The following JAKMIP2 variants were observed in gnomAD, a reference collection of about 807,000 sequenced individuals.
JAKMIP2 encodes janus kinase and microtubule-interacting protein 2.
Under a neutral mutation model 115.0 loss-of-function variants are expected in JAKMIP2, and 25 were observed. That is an observed-to-expected ratio of 0.22 (90% CI 0.16 to 0.30). JAKMIP2 has a LOEUF of 0.30. Among genes scored for constraint, JAKMIP2 ranks in the 10% least tolerant of loss-of-function variants. The pLI, the probability that JAKMIP2 is intolerant of heterozygous loss-of-function variation, is 1.00. For missense variants in JAKMIP2, 642 were observed against 957.6 expected, an observed-to-expected ratio of 0.67 and a Z score of 4.35; for synonymous variants, 334 against 343.6, an observed-to-expected ratio of 0.97 and a Z score of 0.31.
chr5:147,761,445 T>C (rs559692948), intron 1 of JAKMIP2, among the ~76,000 whole-genome samples: 2 of 152,114 alleles, frequency 1.3e-5, no homozygotes, highest in Non-Finnish European at 2.9e-5. Flanking sequence ...TCCACAGCCA[T>C]ACAGCAAGTC....
intron 10 of JAKMIP2, 129 bp downstream of exon 10, chr5:147,639,503 C>T: frequency 1.9e-6 from 2 of 1,066,010 alleles, no homozygotes; most frequent in Non-Finnish European, 2.6e-6. Context: ...AAAGCTATAA[C>T]AATTCAAAAG....
At chr5:147,707,625 A>C (rs879693962) in intron 1 of JAKMIP2, among the ~76,000 whole-genome samples, 9 of 152,018 alleles carry the variant, frequency 5.9e-5, no homozygotes, top group African/African-American at 2.2e-4. Flanking sequence ...GCATTGGTAC[A>C]CTCTCCCTGG....
intron 21 of JAKMIP2, among the ~76,000 whole-genome samples, chr5:147,600,841 T>C (rs1158040746): frequency 6.8e-6 from 1 of 148,026 alleles, no homozygotes; most frequent in Non-Finnish European, 1.5e-5. Flanking sequence ...ATGGACTTAA[T>C]AATAGTAATT....
At chr5:147,659,131 A>G (rs2058410424) in intron 3 of JAKMIP2, among the ~76,000 whole-genome samples, 1 of 151,868 alleles carries the variant, frequency 6.6e-6, no homozygotes, top group South Asian at 2.1e-4. Flanking sequence ...TGCCTGCTCA[A>G]ACAGCTGCCC....
intron 1 of JAKMIP2, among the ~76,000 whole-genome samples, chr5:147,729,117 A>G (rs1753626125): frequency 6.6e-6 from 1 of 152,190 alleles, no homozygotes; most frequent in Non-Finnish European, 1.5e-5. Flanking sequence ...AGAAGGCAGG[A>G]AAGAGGGAAG....
intron 1 of JAKMIP2, among the ~76,000 whole-genome samples, chr5:147,726,703 T>C (rs1225063986): frequency 6.6e-6 from 1 of 152,214 alleles, no homozygotes; most frequent in Admixed American, 6.5e-5. Context: ...AGTTGGTCAG[T>C]AACAAACTTT....
chr5:147,597,045 GTA>G (rs1270994895), intron 21 of JAKMIP2, among the ~76,000 whole-genome samples: 16 of 27,356 alleles, frequency 5.8e-4, no homozygotes, highest in Non-Finnish European at 1.6e-3. Flanking sequence ...GCTAATTTTT[GTA>G]TTTTTTTTTT....
chr5:147,683,284 C>T (rs1431845473), intron 1 of JAKMIP2, among the ~76,000 whole-genome samples: 2 of 152,080 alleles, frequency 1.3e-5, no homozygotes, highest in African/African-American at 4.8e-5. Flanking sequence ...GAGGTCAGAT[C>T]ACTTTGAGAC....
chr5:147,673,314 C>A (rs1484424208), intron 1 of JAKMIP2, among the ~76,000 whole-genome samples: 1 of 152,158 alleles, frequency 6.6e-6, no homozygotes, highest in African/African-American at 2.4e-5. Context: ...TCTCTTGCAA[C>A]CTTTCAGAAA....
chr5:147,603,857 T>A (rs1026989756), intron 20 of JAKMIP2, among the ~76,000 whole-genome samples: 1 of 152,284 alleles, frequency 6.6e-6, no homozygotes, highest in Non-Finnish European at 1.5e-5. Context: ...CTTCCAAAAT[T>A]TTTGAGGGTT....
At chr5:147,651,471 G>A (rs180993465) in intron 3 of JAKMIP2, among the ~76,000 whole-genome samples, 5 of 152,172 alleles carry the variant, frequency 3.3e-5, no homozygotes, top group East Asian at 1.9e-4. Flanking sequence ...CTTTCTTATC[G>A]TTTCACTATA....
Position 147,690,562 on chromosome 5 carries a change from T to C in JAKMIP2, c.-148-18608A>G, listed in dbSNP as rs1323175270. 8.4e-5 allele frequency among the ~76,000 whole-genome samples: 8 copies of C among 95,504 alleles called. 1 individual carries two copies. The highest frequency in any genetic ancestry group is 4.4e-4 in the African/African-American group (8 of 18,360). The allele number at this position is 95,504 out of a possible 152,430, so 62.7% of individuals were successfully genotyped here. On this transcript the variant is annotated intron_variant, in intron 1 of 21. Coordinates refer to ENST00000616793, the MANE Select transcript of JAKMIP2 (RefSeq NM_001270941.2). ...GATTATATATATATATATATATATA[T>C]ATATATATATATATATATATATGCA...
chr5:147,669,123 G>A (rs986208841), intron 2 of JAKMIP2, among the ~76,000 whole-genome samples: 2 of 152,106 alleles, frequency 1.3e-5, no homozygotes. Flanking sequence ...TCACACCTTG[G>A]CATTGTTCAT....
At chr5:147,730,211 T>C (rs946494718) in intron 1 of JAKMIP2, among the ~76,000 whole-genome samples, 1 of 152,164 alleles carries the variant, frequency 6.6e-6, no homozygotes, top group African/African-American at 2.4e-5. Context: ...AGAAGGTTGA[T>C]AAAGAATGTA....
chr5:147,644,830 G>A lies in JAKMIP2; in HGVS notation c.1083+20C>T. The A allele has an allele frequency of 6.3e-7, 1 of 1,599,962 alleles. No individual in the cohort carries two copies. The highest frequency in any genetic ancestry group is 2.2e-5 in the East Asian group (1 of 44,556). On this transcript the variant is annotated intron_variant, in intron 6 of 21. Transcript: ENST00000616793. The stretch of plus-strand genomic sequence containing the variant: ...ATATAATCAAGGAAGCTGCAGTTTT[G>A]CAGAGTCTGTGATACACACCATTTC...
chr5:147,768,276 T>A (rs1054702927), intron 1 of JAKMIP2, among the ~76,000 whole-genome samples: 1 of 152,162 alleles, frequency 6.6e-6, no homozygotes, highest in African/African-American at 2.4e-5. Flanking sequence ...CTTACCGTGC[T>A]TTTAGGATTA....
chr5:147,681,568 C>T (rs1276065867), intron 1 of JAKMIP2, among the ~76,000 whole-genome samples: 1 of 152,138 alleles, frequency 6.6e-6, no homozygotes, highest in East Asian at 1.9e-4. Flanking sequence ...TATTAACTCA[C>T]TAAAATACAA....
rs370078013 is a variant in JAKMIP2, at chr5:147,636,304, G to C, written c.1615-20C>G. The stretch of plus-strand genomic sequence containing the variant: ...TGAATCCTGTTTGACAAAGAATATC[G>C]CGCAGTCAGCATTTCAGAGTGGCAC... On this transcript the variant is annotated intron_variant, in intron 11 of 21. Transcript: ENST00000616793. 2 of 1,606,500 alleles carry C rather than the reference G, an allele frequency of 1.2e-6. No homozygotes were observed. Among genetic ancestry groups the C allele is most frequent in the African/African-American group, 2.7e-5 (2 of 74,680 alleles).
In JAKMIP2 at chr5:147,585,545, A is replaced by G. The variant is rs1754832579; in HGVS notation, c.*6162T>C. ...ATAAAATAACCATTCATAAAACTTTACATACAGTAAGTTGATTCCAATCTC... is the reference window on the plus strand; with the variant it reads ...ATAAAATAACCATTCATAAAACTTTGCATACAGTAAGTTGATTCCAATCTC... On this transcript the variant is annotated 3_prime_UTR_variant, in exon 22 of 22. Transcript: ENST00000616793. The G allele has an allele frequency of 6.6e-6, 1 of 152,258 alleles. No homozygotes were observed. The highest frequency in any genetic ancestry group is 1.5e-5 in the Non-Finnish European group (1 of 68,038). 9.4% of individuals were successfully genotyped at this position (152,258 alleles called of 1,614,324 possible).
Sources: gnomAD v4.1 joint callset for allele counts (sites outside exome capture counted in the v4.1 genomes callset) on GRCh38, gnomAD v4.1.1 for gene constraint, MANE v1.5 for transcripts, NCBI Gene and HGNC (gene_info 2026-07-23, HGNC 2026-07-21) for gene names.